The following CRISPLD2 variants were observed in gnomAD, a reference collection of about 807,000 sequenced individuals.
CRISPLD2 encodes cysteine-rich secretory protein LCCL domain-containing 2.
Under a neutral mutation model 71.1 loss-of-function variants are expected in CRISPLD2, and 47 were observed. The observed-to-expected ratio is 0.66, with a 90% confidence interval of 0.52 to 0.84. The LOEUF is 0.84. Ranked by LOEUF, CRISPLD2 falls within the 40% of genes least tolerant of loss-of-function variation. CRISPLD2 has a pLI of 0.00. For missense variants in CRISPLD2, 830 were observed against 651.1 expected (o/e 1.27, Z -2.99); for synonymous variants, 317 against 250.1 (o/e 1.27, Z -2.52).
At chr16:84,854,704 C>G in intron 5 of CRISPLD2, 25 bp from the exon 6 acceptor site, 4 of 1,578,954 alleles carry the variant, frequency 2.5e-6, no homozygotes, top group Non-Finnish European at 3.5e-6. Context: ...TTCCCTCTGA[C>G]GGTTGTTTTT....
intron 2 of CRISPLD2, 114 bp downstream of exon 2, chr16:84,838,849 C>T (rs1008655863): frequency 3.1e-5 from 41 of 1,338,246 alleles, no homozygotes; most frequent in Admixed American, 7.9e-5. Flanking sequence ...ATGGCTGGCT[C>T]AGGGTCTCCT....
intron 13 of CRISPLD2, among the ~76,000 whole-genome samples, chr16:84,884,303 G>A (rs2071593441): frequency 6.7e-6 from 1 of 149,806 alleles, no homozygotes; most frequent in Admixed American, 6.8e-5. Flanking sequence ...TCAGTCACCT[G>A]AGTGTTCAAA....
rs145631013 is a variant in CRISPLD2 at position 84,878,422 on chromosome 16, A to T, written c.1229+912A>T. On this transcript the variant is annotated intron_variant, in intron 12 of 14. Transcript: ENST00000262424. Reference sequence around the variant, plus strand: ...CTGATTTTGCTTTTTCAGCAAAATTATGGCGCCGTGGCAGGGTGTGGTCTT... The same window carrying T: ...CTGATTTTGCTTTTTCAGCAAAATTTTGGCGCCGTGGCAGGGTGTGGTCTT... 1.7e-4 allele frequency among the ~76,000 whole-genome samples: 24 copies of T among 140,416 alleles called. 1 individual carries two copies. The East Asian group carries it at 4.6e-3, about 27-fold the overall frequency. 92.1% of individuals were successfully genotyped at this position (140,416 alleles called of 152,430 possible). A position where few individuals can be genotyped will look rare whatever the true frequency, so the allele number is the denominator to read the frequency against.
At chr16:84,896,628 G>A (rs113974348) in intron 14 of CRISPLD2, among the ~76,000 whole-genome samples, 132 of 152,228 alleles carry the variant, frequency 8.7e-4, no homozygotes, top group African/African-American at 2.4e-3. Flanking sequence ...CACACGGAAG[G>A]TAGGCGAGGC....
chr16:84,858,329 A>G (rs1288945995), intron 6 of CRISPLD2, among the ~76,000 whole-genome samples: 1 of 152,162 alleles, frequency 6.6e-6, no homozygotes, highest in Non-Finnish European at 1.5e-5. Flanking sequence ...AGCCAGAGTA[A>G]CGCACCCAGA....
At chr16:84,841,565 T>A (rs1916771647) in intron 2 of CRISPLD2, among the ~76,000 whole-genome samples, 1 of 151,886 alleles carries the variant, frequency 6.6e-6, no homozygotes, top group Non-Finnish European at 1.5e-5. Flanking sequence ...AAACAGGGTT[T>A]TTTTGCGGGA....
intron 13 of CRISPLD2, among the ~76,000 whole-genome samples, chr16:84,882,904 T>A (rs142644815): frequency 4.9e-4 from 75 of 152,264 alleles, no homozygotes; most frequent in African/African-American, 1.7e-3. Flanking sequence ...CTTTCCCTGG[T>A]GTATGCTGCC....
Position 84,850,998 on chromosome 16 carries a change from C to T in CRISPLD2, c.608+315C>T, listed in dbSNP as rs184553859. 2.8e-4 allele frequency among the ~76,000 whole-genome samples: 42 copies of T among 152,276 alleles called. 1 individual carries two copies. In the East Asian group the frequency reaches 7.7e-3, roughly 28 times the overall value. ...CTTAGGTCTTTTGCACACTGGCATACTTTCTCCTTATGTTCTTTGCCAGAA... is the reference window on the plus strand; with the variant it reads ...CTTAGGTCTTTTGCACACTGGCATATTTTCTCCTTATGTTCTTTGCCAGAA... On this transcript the variant is annotated intron_variant, in intron 5 of 14. Coordinates refer to ENST00000262424, the MANE Select transcript of CRISPLD2 (RefSeq NM_031476.4).
intron 13 of CRISPLD2, 44 bp from the exon 14 acceptor site, chr16:84,889,186 G>C: frequency 6.2e-7 from 1 of 1,613,186 alleles, no homozygotes; most frequent in East Asian, 2.2e-5. Context: ...TGACCCATGA[G>C]CTGGAATCCG....
intron 14 of CRISPLD2, among the ~76,000 whole-genome samples, chr16:84,903,980 C>T (rs1034303545): frequency 2.0e-5 from 3 of 152,124 alleles, no homozygotes; most frequent in Non-Finnish European, 2.9e-5. Context: ...TGAAGCAGAG[C>T]GAGGAAAACC....
At chr16:84,896,002 A>G (rs923742260) in intron 14 of CRISPLD2, among the ~76,000 whole-genome samples, 1 of 152,006 alleles carries the variant, frequency 6.6e-6, no homozygotes, top group Non-Finnish European at 1.5e-5. Context: ...TGAGGGATCA[A>G]TAGAGGGGTG....
intron 5 of CRISPLD2, among the ~76,000 whole-genome samples, 157 bp downstream of exon 5, chr16:84,850,840 G>A (rs1917068859): frequency 6.6e-6 from 1 of 152,158 alleles, no homozygotes; most frequent in South Asian, 2.1e-4. Context: ...TAATAGCTAA[G>A]CAGTGTCAAC....
intron 13 of CRISPLD2, chr16:84,880,788 C>T (rs2071561813): frequency 6.9e-6 from 3 of 433,612 alleles, no homozygotes; most frequent in South Asian, 8.2e-5. Flanking sequence ...CCACTGTAAC[C>T]TCTGCCTCCC....
intron 5 of CRISPLD2, among the ~76,000 whole-genome samples, chr16:84,852,902 C>A (rs774347086): frequency 1.3e-5 from 2 of 152,068 alleles, no homozygotes; most frequent in Non-Finnish European, 2.9e-5. Flanking sequence ...CCCATCTCCA[C>A]GAAAAATACA....
chr16:84,870,059 C>A (rs532115624), intron 8 of CRISPLD2, among the ~76,000 whole-genome samples: 1 of 152,346 alleles, frequency 6.6e-6, no homozygotes, highest in East Asian at 1.9e-4. Flanking sequence ...CTCATTCTCT[C>A]TGTAGAAGCC....
intron 5 of CRISPLD2, 129 bp from the exon 6 acceptor site, chr16:84,854,600 A>T (rs1917181808): frequency 4.3e-6 from 3 of 699,696 alleles, no homozygotes; most frequent in Non-Finnish European, 7.8e-6. Context: ...CGCTTCCCAC[A>T]GCACACAACC....
At chr16:84,884,635 A>T (rs949655571) in intron 13 of CRISPLD2, among the ~76,000 whole-genome samples, 5 of 152,140 alleles carry the variant, frequency 3.3e-5, no homozygotes, top group African/African-American at 1.2e-4. Context: ...GTGTGGAGGA[A>T]GGAAGAAAGG....
At position 84,872,437 on chromosome 16, in the gene CRISPLD2, G is replaced by T. The variant is rs544311455; in HGVS notation, c.915-5G>T. ...CTGAACATCATTTTATTTCTTCCTC[G>T]TCAGGTACCAGTGCCCAGCAGGCTG... On this transcript the variant is annotated splice_polypyrimidine_tract_variant and splice_region_variant and intron_variant, in intron 8 of 14. Coordinates refer to ENST00000262424, the MANE Select transcript of CRISPLD2 (RefSeq NM_031476.4). 6.2e-7 allele frequency: 1 copy of T among 1,612,704 alleles called. No homozygotes were observed. The highest frequency in any genetic ancestry group is 1.7e-5 in the Admixed American group (1 of 59,930).
chr16:84,855,046 G>A (rs973305545), intron 6 of CRISPLD2, among the ~76,000 whole-genome samples: 6 of 152,090 alleles, frequency 3.9e-5, no homozygotes, highest in East Asian at 3.9e-4. Context: ...CCACTGCCCC[G>A]AGACATGGCT....
Sources: gnomAD v4.1 joint callset for allele counts (sites outside exome capture counted in the v4.1 genomes callset) on GRCh38, gnomAD v4.1.1 for gene constraint, MANE v1.5 for transcripts, NCBI Gene and HGNC (gene_info 2026-07-23, HGNC 2026-07-21) for gene names.